Variants in KAT6B observed in about 807,000 individuals in gnomAD.
KAT6B encodes the protein histone acetyltransferase KAT6B.
A neutral mutation model predicts 187.5 loss-of-function variants in KAT6B; 10 were observed. That is an observed-to-expected ratio of 0.05 (90% confidence interval 0.03 to 0.09). KAT6B has a LOEUF of 0.09. KAT6B is among the 10% of genes least tolerant of loss of function. The pLI, the probability that KAT6B is intolerant of heterozygous loss-of-function variation, is 1.00. For synonymous variants in KAT6B, 861 were observed against 926.8 expected (o/e 0.93, Z 1.29); for missense variants, 1,952 against 2,558.9 (o/e 0.76, Z 5.12).
rs764335792 is a variant in KAT6B, at chr10:74,843,439, G to A, written c.582G>A (p.Ser194=). The A allele has an allele frequency of 6.2e-6, 10 of 1,613,866 alleles. No individual in the cohort carries two copies. Among genetic ancestry groups the A allele is most frequent in the Admixed American group, 5.0e-5 (3 of 60,008 alleles). ...APQYPSAFPS[S]LPPVSLLPHE... The stretch of plus-strand genomic sequence containing the variant: ...AGTATCCCAGTGCATTCCCATCCTC[G>A]CTCCCACCTGTCAGCCTTCTACCCC... The change falls in exon 3 of 18, where the codon TCG becomes TCA. Residue 194 remains serine, a synonymous_variant. Transcript: ENST00000287239.
chr10:74,912,595 C>T (rs187654563), intron 3 of KAT6B, among the ~76,000 whole-genome samples: 1 of 152,250 alleles, frequency 6.6e-6, no homozygotes, highest in African/African-American at 2.4e-5. Context: ...GAGCATTTTG[C>T]TTTCTCCTAT....
chr10:74,989,142 A>AT (rs1842978324), intron 13 of KAT6B, 30 bp downstream of exon 13: 1 of 1,505,810 alleles, frequency 6.6e-7, no homozygotes, highest in Non-Finnish European at 9.3e-7. Context: ...TACTTTCATG[A>AT]TCCAGGAAGC....
chr10:74,962,032 C>T (rs561656650), intron 4 of KAT6B, among the ~76,000 whole-genome samples: 1 of 152,222 alleles, frequency 6.6e-6, no homozygotes, highest in Admixed American at 6.5e-5. Context: ...ATAAAGGATG[C>T]CTCAGAGTGC....
At position 74,842,718 on chromosome 10, in the gene KAT6B, T is replaced by C. The variant is rs765749249; in HGVS notation, c.-140T>C. ...TTTTGAATCTCTTAAGGATGGATGT[T>C]TGTAAGATGTTGCTTAATACAGTCT... On this transcript the variant is annotated 5_prime_UTR_variant, in exon 3 of 18. Coordinates refer to ENST00000287239, the MANE Select transcript of KAT6B (RefSeq NM_012330.4). 56 of 918,090 alleles carry C rather than the reference T, an allele frequency of 6.1e-5. No homozygotes were observed. The African/African-American group carries it at 9.0e-4, about 15-fold the overall frequency. The allele number at this position is 918,090 out of a possible 1,614,324, so 56.9% of individuals were successfully genotyped here. A position where few individuals can be genotyped will look rare whatever the true frequency, so the allele number is the denominator to read the frequency against.
chr10:74,929,236 T>A (rs1848702341), intron 3 of KAT6B, among the ~76,000 whole-genome samples: 1 of 152,308 alleles, frequency 6.6e-6, no homozygotes, highest in Admixed American at 6.5e-5. Context: ...GCTGGGAGTT[T>A]CATTTTCTAA....
At chr10:75,025,325 G>A in intron 17 of KAT6B, 76 bp downstream of exon 17, 1 of 1,505,620 alleles carries the variant, frequency 6.6e-7, no homozygotes, top group Non-Finnish European at 9.2e-7. Flanking sequence ...CAGGCCTCTG[G>A]CGTGATGCCC....
Position 75,028,698 on chromosome 10 carries a change from CAGA to C in KAT6B, c.3877_3879del (p.Lys1293del), listed in dbSNP as rs2134234659. 3 of 1,613,974 alleles carry C rather than the reference CAGA, an allele frequency of 1.9e-6. No individual in the cohort carries two copies. Among genetic ancestry groups the C allele is most frequent in the East Asian group, 4.5e-5 (2 of 44,880 alleles). On this transcript the variant is annotated inframe_deletion, in exon 18 of 18. Transcript: ENST00000287239. ...TGACGAGCAGGTAACAGTGGAAGAA[CAGA>C]AGGAGACTTCAGAAGGAAAAACCAG...
Position 74,842,633 on chromosome 10 carries a change from C to A in KAT6B, c.-225C>A, listed in dbSNP as rs1377184713. ...TTCCCAGTTAAAGATGTTCTTCACCCGAATGCAGTCTTTCCTGTTGGTAAA... is the reference window on the plus strand; with the variant it reads ...TTCCCAGTTAAAGATGTTCTTCACCAGAATGCAGTCTTTCCTGTTGGTAAA... On this transcript the variant is annotated 5_prime_UTR_variant, in exon 3 of 18. Coordinates refer to ENST00000287239, the MANE Select transcript of KAT6B (RefSeq NM_012330.4). 9 of 608,796 alleles carry A rather than the reference C, an allele frequency of 1.5e-5. No homozygotes were observed. The highest frequency in any genetic ancestry group is 4.4e-4 in the Middle Eastern group (1 of 2,290). 37.7% of individuals were successfully genotyped at this position (608,796 alleles called of 1,614,324 possible). A position where few individuals can be genotyped will look rare whatever the true frequency, so the allele number is the denominator to read the frequency against.
chr10:74,927,212 T>TAGAA (rs1478352764), intron 3 of KAT6B, among the ~76,000 whole-genome samples: 37 of 152,350 alleles, frequency 2.4e-4, no homozygotes, highest in Admixed American at 1.8e-3. Context: ...TATTCAGACT[T>TAGAA]CTGTGCATTA....
At chr10:74,892,930 G>A (rs561998973) in intron 3 of KAT6B, among the ~76,000 whole-genome samples, 1 of 152,346 alleles carries the variant, frequency 6.6e-6, no homozygotes, top group South Asian at 2.1e-4. Context: ...ACAGTGTATG[G>A]AGAGAGGACA....
intron 13 of KAT6B, among the ~76,000 whole-genome samples, chr10:74,996,701 G>A (rs1272613179): frequency 1.3e-5 from 2 of 150,108 alleles, no homozygotes; most frequent in East Asian, 2.0e-4. Flanking sequence ...CCTGGGAGGC[G>A]GAGCTTGCAG....
At chr10:74,867,870 C>T (rs1450044740) in intron 3 of KAT6B, among the ~76,000 whole-genome samples, 1 of 152,186 alleles carries the variant, frequency 6.6e-6, no homozygotes, top group Non-Finnish European at 1.5e-5. Context: ...TATTGAAAGC[C>T]TTCTTCCCCT....
At chr10:74,864,308 C>T (rs747058330) in intron 3 of KAT6B, among the ~76,000 whole-genome samples, 5 of 152,086 alleles carry the variant, frequency 3.3e-5, no homozygotes, top group African/African-American at 4.8e-5. Context: ...GGCGCGATCT[C>T]GGCTCACTGC....
chr10:74,961,751 C>T (rs371452916), intron 4 of KAT6B, among the ~76,000 whole-genome samples: 1 of 152,182 alleles, frequency 6.6e-6, no homozygotes, highest in Non-Finnish European at 1.5e-5. Flanking sequence ...TTTCTTTCCC[C>T]TGGTGTTTCT....
At chr10:74,922,942 A>G (rs767235859) in intron 3 of KAT6B, among the ~76,000 whole-genome samples, 11 of 152,222 alleles carry the variant, frequency 7.2e-5, no homozygotes, top group African/African-American at 1.7e-4. Flanking sequence ...ATTGCCGTGG[A>G]TGGTCTGGGA....
At chr10:74,951,050 A>T (rs1840285238) in intron 3 of KAT6B, among the ~76,000 whole-genome samples, 3 of 152,022 alleles carry the variant, frequency 2.0e-5, no homozygotes, top group Admixed American at 2.0e-4. Context: ...ACCGATACAT[A>T]GTCTTGTTAT....
intron 3 of KAT6B, among the ~76,000 whole-genome samples, chr10:74,897,740 T>G (rs1310956381): frequency 6.6e-6 from 1 of 152,216 alleles, no homozygotes; most frequent in Non-Finnish European, 1.5e-5. Context: ...AACAGGAAGT[T>G]TCAGCTTTTC....
rs376343569 is a variant in KAT6B, at chr10:74,899,550, C to T, written c.621+56072C>T. ...TTAGCCTGTCAAAGTGCTGGGATTA[C>T]AGGCATGAGCCACCGCGCCCGACCT... On this transcript the variant is annotated intron_variant, in intron 3 of 17. Coordinates refer to ENST00000287239, the MANE Select transcript of KAT6B (RefSeq NM_012330.4). Among the ~76,000 whole-genome samples, 90 of 152,290 alleles carry T rather than the reference C, an allele frequency of 5.9e-4. 1 individual carries two copies. In the Middle Eastern group the frequency reaches 0.017, roughly 29 times the overall value.
chr10:74,992,300 A>T (rs1172030809), intron 13 of KAT6B, among the ~76,000 whole-genome samples: 1 of 152,208 alleles, frequency 6.6e-6, no homozygotes, highest in African/African-American at 2.4e-5. Flanking sequence ...CACTGTGTGT[A>T]TATACATGCT....
Sources: gnomAD v4.1 joint callset for allele counts (sites outside exome capture counted in the v4.1 genomes callset) on GRCh38, gnomAD v4.1.1 for gene constraint, MANE v1.5 for transcripts, NCBI Gene and HGNC (gene_info 2026-07-23, HGNC 2026-07-21) for gene names.